MAP3K5: variants seen among roughly 807,000 people sequenced by gnomAD.
MAP3K5 encodes the protein mitogen-activated protein kinase kinase kinase 5.
In MAP3K5, 56 loss-of-function variants were observed where a neutral mutation model predicts 158.7. The ratio of observed to expected loss-of-function variants is 0.35; its 90% confidence interval spans 0.28 to 0.44. The LOEUF is 0.44. Among genes scored for constraint, MAP3K5 ranks in the 20% least tolerant of loss-of-function variants. The probability of loss-of-function intolerance (pLI) is 1.00; values close to 1 mark genes in which losing one functional copy is unlikely to be tolerated. For synonymous variants in MAP3K5, 579 were observed against 601.7 expected, an observed-to-expected ratio of 0.96 and a Z score of 0.55; for missense variants, 1,294 against 1,674.8, an observed-to-expected ratio of 0.77 and a Z score of 3.97.
intron 26 of MAP3K5, 46 bp from the exon 27 acceptor site, chr6:136,562,661 A>G: frequency 1.0e-6 from 1 of 1,000,332 alleles, no homozygotes; most frequent in African/African-American, 1.7e-5. Flanking sequence ...ACACAGGGTG[A>G]CCTTCTTTTT....
At chr6:136,624,283 AG>A (rs1776939196) in intron 14 of MAP3K5, among the ~76,000 whole-genome samples, 2 of 152,202 alleles carry the variant, frequency 1.3e-5, no homozygotes, top group South Asian at 4.1e-4. Flanking sequence ...AATGATCATG[AG>A]TTTTTATGCT....
chr6:136,710,225 T>G (rs2114731697), intron 2 of MAP3K5, among the ~76,000 whole-genome samples: 1 of 152,276 alleles, frequency 6.6e-6, no homozygotes, highest in East Asian at 1.9e-4. Context: ...GGGAATAAAT[T>G]TAAGACATAA....
In MAP3K5 at chr6:136,791,981, G is replaced by C; in HGVS notation, c.177C>G (p.Ser59Arg). 1 of 1,607,066 alleles carries C rather than the reference G, an allele frequency of 6.2e-7. No homozygotes were observed. The highest frequency in any genetic ancestry group is 8.5e-7 in the Non-Finnish European group (1 of 1,177,856). Residue 59 changes from serine to arginine, a missense_variant, in exon 1 of 30, where the codon AGC becomes AGG. Coordinates refer to ENST00000359015, the MANE Select transcript of MAP3K5 (RefSeq NM_005923.4). ...GACAACCGATGCCAGGGGCAGCGGCGCTCTCCACGTTCCAGAAGCTGCCCG... is the reference window on the plus strand; with the variant it reads ...GACAACCGATGCCAGGGGCAGCGGCCCTCTCCACGTTCCAGAAGCTGCCCG... ...PPPGSFWNVESAAAPGIGCPA... is the reference protein window; with the variant it reads ...PPPGSFWNVERAAAPGIGCPA...
intron 14 of MAP3K5, among the ~76,000 whole-genome samples, chr6:136,636,137 C>A (rs1259615470): frequency 6.6e-6 from 1 of 152,036 alleles, no homozygotes; most frequent in Non-Finnish European, 1.5e-5. Flanking sequence ...TGAAATCATA[C>A]CCCAAGGTGC....
intron 7 of MAP3K5, among the ~76,000 whole-genome samples, chr6:136,674,797 G>A (rs1779635922): frequency 6.6e-6 from 1 of 151,864 alleles, no homozygotes; most frequent in Non-Finnish European, 1.5e-5. Flanking sequence ...CTTTTTGAGT[G>A]CCAACATGAT....
At chr6:136,738,532 C>G (rs976908671) in intron 1 of MAP3K5, among the ~76,000 whole-genome samples, 2 of 152,216 alleles carry the variant, frequency 1.3e-5, no homozygotes, top group African/African-American at 4.8e-5. Context: ...CCAACTGGCA[C>G]TCAGCCCAAG....
upstream of MAP3K5, chr6:136,792,517 C>A: frequency 3.0e-6 from 1 of 336,244 alleles, no homozygotes; most frequent in Non-Finnish European, 4.2e-6. This position sits in a 1 kb window ranked among gnomAD's most constrained non-coding sequence, Gnocchi z 5.7. Flanking sequence ...GCGCCGCGCT[C>A]GGGGTGCAGC....
At chr6:136,677,132 A>ATTTTTTTT (rs1214152994) in intron 7 of MAP3K5, among the ~76,000 whole-genome samples, 2 of 93,366 alleles carry the variant, frequency 2.1e-5, no homozygotes, top group African/African-American at 5.1e-5. Flanking sequence ...GATGATATCC[A>ATTTTTTTT]TTTTTTTTTT....
Position 136,557,814 on chromosome 6 carries a change from C to T in MAP3K5, c.4069G>A (p.Gly1357Arg). Reference sequence around the variant, plus strand: ...GCCTTCCACAGTGTGCACAGCATCCCTCCCCTGTTTAAAGACACAAGAACA... The same window carrying T: ...GCCTTCCACAGTGTGCACAGCATCCTTCCCCTGTTTAAAGACACAAGAACA... ...DDLKCLRLRGGMLCTLWKAII... is the reference protein window; with the variant it reads ...DDLKCLRLRGRMLCTLWKAII... Residue 1357 changes from glycine (G) to arginine (R), a missense_variant, in exon 30 of 30, where the codon GGG becomes AGG. By Grantham distance (125) the Gly-to-Arg change is moderately radical. Transcript: ENST00000359015. The T allele has an allele frequency of 6.2e-7, 1 of 1,608,192 alleles. No individual in the cohort carries two copies. The highest frequency in any genetic ancestry group is 1.3e-5 in the African/African-American group (1 of 74,920).
At chr6:136,688,277 G>A (rs1780239528) in intron 7 of MAP3K5, among the ~76,000 whole-genome samples, 1 of 152,148 alleles carries the variant, frequency 6.6e-6, no homozygotes, top group African/African-American at 2.4e-5. Context: ...TGGTGGGTAG[G>A]GGGCTAGGGG....
chr6:136,595,731 G>A (rs1775596986), intron 21 of MAP3K5, among the ~76,000 whole-genome samples: 1 of 152,132 alleles, frequency 6.6e-6, no homozygotes, highest in African/African-American at 2.4e-5. Flanking sequence ...GACGGCAATT[G>A]GGCGGCTGGG....
chr6:136,580,751 TTAAA>T (rs1359205064), intron 24 of MAP3K5, among the ~76,000 whole-genome samples: 1 of 152,064 alleles, frequency 6.6e-6, no homozygotes, highest in Non-Finnish European at 1.5e-5. Context: ...CTAAGAGACT[TTAAA>T]TAAAAATAAA....
intron 18 of MAP3K5, 28 bp from the exon 19 acceptor site, chr6:136,605,394 T>A: frequency 6.3e-7 from 1 of 1,581,538 alleles, no homozygotes; most frequent in South Asian, 1.2e-5. Context: ...ACATTTCCAT[T>A]TTAAAAAGAT....
intron 14 of MAP3K5, among the ~76,000 whole-genome samples, chr6:136,624,397 AAGGAATATATCTGGCACAC>A (rs1457293941): frequency 6.6e-6 from 1 of 152,240 alleles, no homozygotes; most frequent in Non-Finnish European, 1.5e-5. Context: ...CTCTTTTAGA[AAGGAATATATCTGGCACAC>A]AGATTTTAAA....
chr6:136,640,485 A>G lies in MAP3K5; in HGVS notation c.1839-847T>C, dbSNP rs576280433. Among the ~76,000 whole-genome samples the G allele has an allele frequency of 4.6e-5, 7 of 152,256 alleles. No individual in the cohort carries two copies. The East Asian group carries it at 1.3e-3, about 29-fold the overall frequency. On this transcript the variant is annotated intron_variant, in intron 12 of 29. Transcript: ENST00000359015. The stretch of plus-strand genomic sequence containing the variant: ...GTTTTTTACTTTTAAAAGAAACTCT[A>G]TTCACGATTTAAGGCCCAGCTTAGA...
At chr6:136,663,644 C>G (rs1250445574) in intron 8 of MAP3K5, among the ~76,000 whole-genome samples, 4 of 138,466 alleles carry the variant, frequency 2.9e-5, no homozygotes, top group Non-Finnish European at 6.1e-5. Context: ...GAATCTCACT[C>G]TATTGCCCAG....
intron 7 of MAP3K5, among the ~76,000 whole-genome samples, chr6:136,686,238 T>G (rs762996679): frequency 2.6e-5 from 4 of 152,146 alleles, no homozygotes; most frequent in Non-Finnish European, 5.9e-5. Flanking sequence ...TAGAAGTCTT[T>G]GAGCTCATAA....
At chr6:136,789,712 A>T in intron 1 of MAP3K5, among the ~76,000 whole-genome samples, 1 of 114,902 alleles carries the variant, frequency 8.7e-6, no homozygotes, top group Non-Finnish European at 1.7e-5. Flanking sequence ...TTTAAGACAG[A>T]GTCTCATTCT....
intron 14 of MAP3K5, among the ~76,000 whole-genome samples, chr6:136,628,050 A>G (rs1777126810): frequency 6.6e-6 from 1 of 152,232 alleles, no homozygotes; most frequent in Admixed American, 6.5e-5. Context: ...ATCCCAAAAC[A>G]AAACATTTAG....
Sources: gnomAD v4.1 joint callset for allele counts (sites outside exome capture counted in the v4.1 genomes callset) on GRCh38, gnomAD v4.1.1 for gene constraint, Gnocchi (gnomAD v3.1) non-coding constraint, MANE v1.5 for transcripts, NCBI Gene and HGNC (gene_info 2026-07-23, HGNC 2026-07-21) for gene names.